The following GRID2 variants were observed in gnomAD, a reference collection of about 807,000 sequenced individuals.
GRID2 encodes the protein glutamate ionotropic receptor delta type subunit 2, also known as glutamate receptor ionotropic, delta-2.
Under a neutral mutation model 114.8 loss-of-function variants are expected in GRID2, and 33 were observed. The observed-to-expected ratio is 0.29, with a 90% CI of 0.22 to 0.38. The LOEUF is 0.38. Among genes scored for constraint, GRID2 ranks in the 10% least tolerant of loss-of-function variants. The pLI is 1.00. For missense variants in GRID2, 1,184 were observed against 1,257.7 expected, an observed-to-expected ratio of 0.94 and a Z score of 0.89; for synonymous variants, 505 against 449.9, an observed-to-expected ratio of 1.12 and a Z score of -1.55.
At chr4:93,292,851 G>T (rs1753892342) in intron 8 of GRID2, among the ~76,000 whole-genome samples, 1 of 152,126 alleles carries the variant, frequency 6.6e-6, no homozygotes. Context: ...ATTGGAAGGT[G>T]TAATCTTCTC....
chr4:93,604,721 C>G (rs968624805), intron 13 of GRID2, among the ~76,000 whole-genome samples: 3 of 152,106 alleles, frequency 2.0e-5, no homozygotes, highest in Non-Finnish European at 4.4e-5. Context: ...CAGTTACCAC[C>G]CTGATCAGTC....
At chr4:93,749,667 A>T (rs1469642701) in intron 14 of GRID2, among the ~76,000 whole-genome samples, 1 of 152,192 alleles carries the variant, frequency 6.6e-6, no homozygotes, top group Non-Finnish European at 1.5e-5. Context: ...GCCTTAGTCA[A>T]ATAGCCACCT....
intron 1 of GRID2, among the ~76,000 whole-genome samples, chr4:92,466,165 G>C (rs2149091789): frequency 6.6e-6 from 1 of 151,738 alleles, no homozygotes; most frequent in Admixed American, 6.6e-5. Flanking sequence ...ATATGTTACA[G>C]TAATCAGATC....
intron 2 of GRID2, among the ~76,000 whole-genome samples, chr4:92,666,005 T>TGCCTCTTTCATTTTCTTCTCC (rs1732755389): frequency 6.6e-6 from 1 of 151,500 alleles, no homozygotes; most frequent in Non-Finnish European, 1.5e-5. Context: ...ATATTTTCTC[T>TGCCTCTTTCATTTTCTTCTCC]GCCTCTTTCA....
rs773961230 is a variant in GRID2 at position 93,490,797 on chromosome 4, A to G, written c.1997+20A>G. 27 of 1,566,874 alleles carry G rather than the reference A, an allele frequency of 1.7e-5. No homozygotes were observed. Among genetic ancestry groups the G allele is most frequent in the Non-Finnish European group, 2.3e-5 (26 of 1,140,324 alleles). On this transcript the variant is annotated intron_variant, in intron 12 of 15. Coordinates refer to ENST00000282020, the MANE Select transcript of GRID2 (RefSeq NM_001510.4). ...CATCCAGTAAGTAAACAATGTTTCCATTAGCCACAAAATATGAGAAATGAT... is the reference window on the plus strand; with the variant it reads ...CATCCAGTAAGTAAACAATGTTTCCGTTAGCCACAAAATATGAGAAATGAT...
chr4:92,747,538 A>G (rs911228948), intron 2 of GRID2, among the ~76,000 whole-genome samples: 6 of 152,098 alleles, frequency 3.9e-5, no homozygotes, highest in African/African-American at 1.4e-4. Flanking sequence ...GGAGGGGGAA[A>G]TGATATCCTG....
At chr4:92,647,971 A>G (rs1731730648) in intron 2 of GRID2, among the ~76,000 whole-genome samples, 1 of 149,788 alleles carries the variant, frequency 6.7e-6, no homozygotes, top group South Asian at 2.1e-4. Context: ...ATTTTGTTAT[A>G]CAGATTAAGG....
chr4:93,470,582 C>T (rs768836236), intron 11 of GRID2, among the ~76,000 whole-genome samples: 7 of 151,766 alleles, frequency 4.6e-5, no homozygotes, highest in African/African-American at 1.2e-4. Flanking sequence ...TAAATATTAT[C>T]GTGATGTGTT....
chr4:92,763,489 A>G (rs536390309), intron 2 of GRID2, among the ~76,000 whole-genome samples: 1 of 152,236 alleles, frequency 6.6e-6, no homozygotes, highest in East Asian at 1.9e-4. Context: ...ATACACATTT[A>G]AAAATATAGT....
chr4:92,708,659 T>A (rs1180792029), intron 2 of GRID2, among the ~76,000 whole-genome samples: 1 of 152,174 alleles, frequency 6.6e-6, no homozygotes, highest in African/African-American at 2.4e-5. Context: ...AATTTCTGAT[T>A]TTCAGTTGAA....
At chr4:93,770,111 G>A (rs190931648) in intron 15 of GRID2, among the ~76,000 whole-genome samples, 2 of 152,098 alleles carry the variant, frequency 1.3e-5, no homozygotes, top group Admixed American at 1.3e-4. Context: ...CTTTTATAGT[G>A]GCCTGAGCAT....
chr4:92,510,371 T>C (rs1347394896), intron 1 of GRID2, among the ~76,000 whole-genome samples: 1 of 151,876 alleles, frequency 6.6e-6, no homozygotes, highest in Non-Finnish European at 1.5e-5. Flanking sequence ...ATTAGACATC[T>C]GATTATAGAC....
intron 2 of GRID2, among the ~76,000 whole-genome samples, chr4:92,918,593 C>A (rs181567532): frequency 8.5e-5 from 13 of 152,146 alleles, no homozygotes; most frequent in Non-Finnish European, 1.5e-4. Flanking sequence ...GGCCTTTCTG[C>A]ATCTATTGAG....
intron 8 of GRID2, among the ~76,000 whole-genome samples, chr4:93,276,719 A>C (rs1013698592): frequency 6.6e-6 from 1 of 151,768 alleles, no homozygotes; most frequent in Non-Finnish European, 1.5e-5. Context: ...TTGATTGTTC[A>C]TTGCCAGTAT....
chr4:92,712,653 A>G (rs1483062452), intron 2 of GRID2, among the ~76,000 whole-genome samples: 3 of 152,184 alleles, frequency 2.0e-5, no homozygotes, highest in African/African-American at 7.2e-5. Context: ...AATACATTAC[A>G]GAATTTGCTA....
At chr4:92,919,433 A>ATTT (rs1354590124) in intron 2 of GRID2, among the ~76,000 whole-genome samples, 1 of 151,852 alleles carries the variant, frequency 6.6e-6, no homozygotes, top group Non-Finnish European at 1.5e-5. Flanking sequence ...AGTTCTTTTA[A>ATTT]TTGTGATGTT....
rs552371588 is a variant in GRID2, at chr4:93,101,014, T to C, written c.530-9734T>C. ...TGGTATCATCAGATGGTATAGATAATATACTCCATGAGGGCAAGAACTGTT... is the reference window on the plus strand; with the variant it reads ...TGGTATCATCAGATGGTATAGATAACATACTCCATGAGGGCAAGAACTGTT... On this transcript the variant is annotated intron_variant, in intron 3 of 15. Transcript: ENST00000282020. Among the ~76,000 whole-genome samples the C allele has an allele frequency of 9.9e-5, 15 of 152,160 alleles. No individual in the cohort carries two copies. The East Asian group carries it at 1.9e-3, about 20-fold the overall frequency.
chr4:92,310,918 A>C (rs2110109401), intron 1 of GRID2, among the ~76,000 whole-genome samples: 1 of 152,226 alleles, frequency 6.6e-6, no homozygotes, highest in South Asian at 2.1e-4. Context: ...ATGAAATCTT[A>C]ATTACACAAG....
In GRID2 at chr4:93,251,687, C is replaced by T. The variant is rs573292521; in HGVS notation, c.1245+13197C>T. 7.4e-4 allele frequency among the ~76,000 whole-genome samples: 112 copies of T among 152,242 alleles called. 1 individual carries two copies. The highest frequency in any genetic ancestry group is 2.7e-3 in the African/African-American group (111 of 41,550). On this transcript the variant is annotated intron_variant, in intron 8 of 15. Coordinates refer to ENST00000282020, the MANE Select transcript of GRID2 (RefSeq NM_001510.4). ...CCCACCACCCTCCACTTCCAGGCTC[C>T]AGTATGTGTCGTTCCCCTCTATGAA...
Sources: gnomAD v4.1 joint callset for allele counts (sites outside exome capture counted in the v4.1 genomes callset) on GRCh38, gnomAD v4.1.1 for gene constraint, MANE v1.5 for transcripts, NCBI Gene and HGNC (gene_info 2026-07-23, HGNC 2026-07-21) for gene names.